Variants in XAGE5 observed in about 807,000 individuals in gnomAD.
The protein encoded by XAGE5 is X antigen family member 5.
Under a neutral mutation model 13.1 loss-of-function variants are expected in XAGE5, and 13 were observed. The ratio of observed to expected loss-of-function variants is 0.99; its 90% CI spans 0.64 to 1.57. XAGE5 has a LOEUF of 1.57. Among genes scored for constraint, XAGE5 ranks in the 40% most tolerant of loss-of-function variants. The pLI, the probability that XAGE5 is intolerant of heterozygous loss-of-function variation, is 0.00. For synonymous variants in XAGE5, 17 were observed against 25.0 expected, an observed-to-expected ratio of 0.68 and a Z score of 0.96; for missense variants, 86 against 77.6, an observed-to-expected ratio of 1.11 and a Z score of -0.41.
chrX:52,816,541 T>C (rs782593431), intron 5 of XAGE5, among the ~76,000 whole-genome samples: 114 of 112,418 alleles, frequency 1.0e-3, no homozygotes, highest in Non-Finnish European at 1.8e-3. Flanking sequence ...TACAGGTTTC[T>C]GCCTTGAGTC....
Position 52,813,121 on chromosome X carries a change from ACCCCCG to A in XAGE5, c.73-15_73-10del, listed in dbSNP as rs1458476883. On this transcript the variant is annotated splice_polypyrimidine_tract_variant and intron_variant, in intron 3 of 5. Coordinates refer to ENST00000375501, the MANE Select transcript of XAGE5 (RefSeq NM_001386970.1). The stretch of plus-strand genomic sequence containing the variant: ...TTTATCTCCACACACACACACCACC[ACCCCCG>A]CCCTTGTCCCAGGAGCCCAGTGTGC... 4 of 1,198,558 alleles carry A rather than the reference ACCCCCG, an allele frequency of 3.3e-6. No homozygotes were observed. The highest frequency in any genetic ancestry group is 2.3e-4 in the Middle Eastern group (1 of 4,343).
At chrX:52,813,836 C>T (rs1316848379) in intron 4 of XAGE5, among the ~76,000 whole-genome samples, 11 of 111,143 alleles carry the variant, frequency 9.9e-5, no homozygotes, top group Non-Finnish European at 7.5e-5. Flanking sequence ...AATCCTGTCT[C>T]TACTAAAAAT....
chrX:52,816,360 T>G (rs1244880238), intron 5 of XAGE5, among the ~76,000 whole-genome samples: 1 of 112,472 alleles, frequency 8.9e-6, no homozygotes, highest in African/African-American at 3.2e-5. Context: ...AGTCAAGTTT[T>G]TGTGGCCCAT....
rs782215172 is a variant in XAGE5, at chrX:52,815,171, G to A, written c.258G>A (p.Gln86=). The change falls in exon 5 of 6, where the codon CAG becomes CAA. Residue 86 remains glutamine (Q), a synonymous_variant. Coordinates refer to ENST00000375501, the MANE Select transcript of XAGE5 (RefSeq NM_001386970.1). ...GDECGDSPDV[Q]GKILPKSEQF... ...AATGCGGAGATAGTCCTGATGTCCA[G>A]GGGAAGATTCTGCCAAAATCAGAGC... is the stretch of plus-strand genomic sequence containing the variant. 1 of 1,210,755 alleles carries A rather than the reference G, an allele frequency of 8.3e-7. No individual in the cohort carries two copies. The highest frequency in any genetic ancestry group is 1.8e-5 in the South Asian group (1 of 56,700).
intron 5 of XAGE5, among the ~76,000 whole-genome samples, chrX:52,817,625 G>C (rs782121148): frequency 5.4e-4 from 60 of 111,798 alleles, no homozygotes; most frequent in African/African-American, 1.8e-3. Context: ...ACTTCTTCAC[G>C]ATAGAGAAAA....
rs1481633748 is a variant in XAGE5 at position 52,811,326 on chromosome X, A to G, written c.-267A>G. ...GCCCACCCGGGAGCTGTGATCCTGCACTTCGGGTCCCTGAGGTCTGGATTC... is the reference window on the plus strand; with the variant it reads ...GCCCACCCGGGAGCTGTGATCCTGCGCTTCGGGTCCCTGAGGTCTGGATTC... On this transcript the variant is annotated 5_prime_UTR_variant, in exon 1 of 6. Coordinates refer to ENST00000375501, the MANE Select transcript of XAGE5 (RefSeq NM_001386970.1). Among the ~76,000 whole-genome samples the G allele has an allele frequency of 9.0e-6, 1 of 111,662 alleles. No homozygotes were observed. Among genetic ancestry groups the G allele is most frequent in the Non-Finnish European group, 1.9e-5 (1 of 53,075 alleles).
intron 3 of XAGE5, among the ~76,000 whole-genome samples, chrX:52,812,908 G>A (rs1466409061): frequency 9.0e-6 from 1 of 111,331 alleles, no homozygotes; most frequent in Non-Finnish European, 1.9e-5. Context: ...AATTAAAATG[G>A]CTTCCAACGC....
In XAGE5 at chrX:52,818,264, T is replaced by C. The variant is rs148987033; in HGVS notation, c.*51T>C. Reference sequence around the variant, plus strand: ...CTGGATTTATCCGAGATATTTGACTTTTAAAAATCTCAATAAAGTTTTCCA... The same window carrying C: ...CTGGATTTATCCGAGATATTTGACTCTTAAAAATCTCAATAAAGTTTTCCA... On this transcript the variant is annotated 3_prime_UTR_variant, in exon 6 of 6. Coordinates refer to ENST00000375501, the MANE Select transcript of XAGE5 (RefSeq NM_001386970.1). 1,274 of 1,185,342 alleles carry C rather than the reference T, an allele frequency of 1.1e-3. 8 individuals carry two copies. The African/African-American group carries it at 0.021, about 19-fold the overall frequency.
At chrX:52,814,484 G>A (rs1258827980) in intron 4 of XAGE5, 2 of 193,662 alleles carry the variant, frequency 1.0e-5, no homozygotes, top group South Asian at 1.6e-4. Flanking sequence ...ACTAATCAGA[G>A]ACAGAATTTG....
chrX:52,813,404 A>G (rs1926843021), intron 4 of XAGE5, among the ~76,000 whole-genome samples, 159 bp downstream of exon 4: 1 of 112,568 alleles, frequency 8.9e-6, no homozygotes, highest in South Asian at 3.7e-4. Context: ...TGATGGGTAT[A>G]GTTTGCAGCT....
intron 2 of XAGE5, chrX:52,812,085 C>G (rs989316427): frequency 8.8e-6 from 1 of 113,787 alleles, no homozygotes; most frequent in Non-Finnish European, 1.8e-5. Flanking sequence ...GCTAGCTTGA[C>G]GAACATAAGT....
chrX:52,813,220 T>C lies in XAGE5; in HGVS notation c.153T>C (p.Asp51=). ...QDHTPGQKRE[D]DQGAAEIQVP... ...ATACACCTGGTCAGAAGAGAGAAGA[T>C]GATCAGGGTGCAGCTGAGATTCAAG... is the stretch of plus-strand genomic sequence containing the variant. Residue 51 remains aspartate, a synonymous_variant, in exon 4 of 6, where the codon GAT becomes GAC. Coordinates refer to ENST00000375501, the MANE Select transcript of XAGE5 (RefSeq NM_001386970.1). 8.3e-7 allele frequency: 1 copy of C among 1,209,946 alleles called. No homozygotes were observed. Among genetic ancestry groups the C allele is most frequent in the Non-Finnish European group, 1.1e-6 (1 of 894,733 alleles).
chrX:52,812,657 G>T lies in XAGE5; in HGVS notation c.72+19G>T, dbSNP rs781943291. 1.7e-6 allele frequency: 2 copies of T among 1,206,203 alleles called. No individual in the cohort carries two copies. The highest frequency in any genetic ancestry group is 1.8e-5 in the South Asian group (1 of 56,636). ...TATGCTTGTGAGTGACTTCACATTC[G>T]ATTTTTTTCTACTAGCAGAAATTTT... On this transcript the variant is annotated intron_variant, in intron 3 of 5. Coordinates refer to ENST00000375501, the MANE Select transcript of XAGE5 (RefSeq NM_001386970.1).
At chrX:52,811,792 G>A (rs1033005852) in intron 2 of XAGE5, among the ~76,000 whole-genome samples, 73 bp downstream of exon 2, 56 of 110,685 alleles carry the variant, frequency 5.1e-4, no homozygotes, top group African/African-American at 1.4e-3. Context: ...ATAACGAACC[G>A]CAGAGGTGCC....
intron 4 of XAGE5, chrX:52,814,857 C>T: frequency 3.0e-6 from 1 of 338,250 alleles, no homozygotes; most frequent in South Asian, 5.5e-5. Flanking sequence ...TTCAGTTTTC[C>T]TAGGTAGCTG....
chrX:52,813,271 T>C, intron 4 of XAGE5, 26 bp downstream of exon 4: 1 of 1,178,069 alleles, frequency 8.5e-7, no homozygotes. Flanking sequence ...AGAAGGAATG[T>C]CTATGGGGGG....
In XAGE5 at chrX:52,812,592, G is replaced by A; in HGVS notation, c.26G>A (p.Arg9Lys). 8.3e-7 allele frequency: 1 copy of A among 1,211,658 alleles called. No homozygotes were observed. The highest frequency in any genetic ancestry group is 1.1e-6 in the Non-Finnish European group (1 of 895,478). MSWRGRRY[R>K]PRRCLRLAQL... is the part of the protein sequence containing the mutation. ...ATGAGTTGGCGAGGAAGAAGATATA[G>A]ACCAAGACGATGTTTACGACTTGCT... Residue 9 changes from arginine (R) to lysine (K), a missense_variant, in exon 3 of 6, where the codon AGA becomes AAA. Arg to Lys is a conservative substitution (Grantham distance 26). Coordinates refer to ENST00000375501, the MANE Select transcript of XAGE5 (RefSeq NM_001386970.1).
chrX:52,813,935 G>C (rs189611321), intron 4 of XAGE5, among the ~76,000 whole-genome samples: 8 of 111,212 alleles, frequency 7.2e-5, no homozygotes, highest in Non-Finnish European at 1.5e-4. Flanking sequence ...CCCGTGCGGC[G>C]GAGGCTGCAG....
intron 2 of XAGE5, 163 bp from the exon 3 acceptor site, chrX:52,812,396 C>T (rs782379014): frequency 5.0e-4 from 186 of 375,326 alleles, no homozygotes; most frequent in African/African-American, 3.6e-3. Context: ...CCTCAACTTC[C>T]CGAGTAGCTG....
Sources: allele counts gnomAD v4.1 joint callset (sites outside exome capture counted in the v4.1 genomes callset), GRCh38; gene constraint gnomAD v4.1.1; transcripts MANE v1.5; gene names NCBI Gene and HGNC (gene_info 2026-07-23, HGNC 2026-07-21).